The following FRMD5 variants were observed in gnomAD, a reference collection of about 807,000 sequenced individuals.
The protein encoded by FRMD5 is FERM domain containing 5.
FRMD5 carries 20 observed loss-of-function variants against 69.0 expected under a neutral mutation model. The observed-to-expected ratio is 0.29, with a 90% confidence interval of 0.20 to 0.42. The LOEUF is 0.42. FRMD5 is among the 10% of genes least tolerant of loss of function. The pLI is 1.00. For missense variants in FRMD5, 595 were observed against 708.6 expected, an observed-to-expected ratio of 0.84 and a Z score of 1.82; for synonymous variants, 271 against 260.1, an observed-to-expected ratio of 1.04 and a Z score of -0.40.
chr15:44,058,802 G>A (rs111787396), intron 1 of FRMD5, among the ~76,000 whole-genome samples: 1,015 of 81,486 alleles, frequency 0.012, 19 homozygotes, highest in African/African-American at 0.033. Context: ...AAAAAAAAAA[G>A]AAGAAGAAGA....
intron 1 of FRMD5, among the ~76,000 whole-genome samples, chr15:44,018,979 C>T (rs1271825175): frequency 3.9e-5 from 6 of 152,078 alleles, no homozygotes; most frequent in Admixed American, 3.9e-4. Flanking sequence ...ACTGAAACCT[C>T]TGCCTCCTGG....
At chr15:44,047,927 A>G (rs1892498325) in intron 1 of FRMD5, among the ~76,000 whole-genome samples, 1 of 152,226 alleles carries the variant, frequency 6.6e-6, no homozygotes, top group African/African-American at 2.4e-5. Flanking sequence ...TTACATGGAT[A>G]TACCACATTT....
At chr15:44,195,653 C>A (rs999839637), upstream of FRMD5, among the ~76,000 whole-genome samples, 2 of 151,842 alleles carry the variant, frequency 1.3e-5, no homozygotes, top group Non-Finnish European at 2.9e-5. Flanking sequence ...GGAGCCGGAG[C>A]GAGGAGGCGG....
At chr15:44,013,264 G>A (rs773090300) in intron 1 of FRMD5, among the ~76,000 whole-genome samples, 19 of 152,106 alleles carry the variant, frequency 1.2e-4, no homozygotes, top group Admixed American at 3.9e-4. Context: ...GTGGTGGCAT[G>A]CCCCCGTCAT....
chr15:43,997,901 T>C (rs1181062440), intron 1 of FRMD5, among the ~76,000 whole-genome samples: 1 of 152,224 alleles, frequency 6.6e-6, no homozygotes, highest in East Asian at 1.9e-4. Flanking sequence ...CATTGAGATC[T>C]CCGGTCTACT....
intron 1 of FRMD5, among the ~76,000 whole-genome samples, chr15:44,127,829 A>G (rs1595496491): frequency 6.6e-6 from 1 of 152,224 alleles, no homozygotes; most frequent in East Asian, 1.9e-4. Context: ...TTGTGATCTC[A>G]CCACCGCACT....
At chr15:43,952,258 C>T (rs533118863) in intron 1 of FRMD5, among the ~76,000 whole-genome samples, 1 of 152,254 alleles carries the variant, frequency 6.6e-6, no homozygotes, top group African/African-American at 2.4e-5. Flanking sequence ...TACATTCTAT[C>T]AGGGAGCTGG....
chr15:43,968,250 C>G (rs2090325350), intron 1 of FRMD5, among the ~76,000 whole-genome samples: 1 of 152,114 alleles, frequency 6.6e-6, no homozygotes, highest in Non-Finnish European at 1.5e-5. Context: ...CACATCATGT[C>G]ATAATCCTTT....
chr15:44,166,054 A>G (rs1252850223), intron 1 of FRMD5, among the ~76,000 whole-genome samples: 2 of 152,202 alleles, frequency 1.3e-5, no homozygotes, highest in Admixed American at 6.5e-5. Context: ...ATCTTTTAAT[A>G]AAGACTGTAC....
At chr15:44,099,954 A>G (rs914648353) in intron 1 of FRMD5, among the ~76,000 whole-genome samples, 3 of 152,020 alleles carry the variant, frequency 2.0e-5, no homozygotes, top group Non-Finnish European at 4.4e-5. Context: ...AGAGCATTTA[A>G]CAAGCACTCT....
At chr15:43,899,780 T>C (rs1050614625) in intron 7 of FRMD5, among the ~76,000 whole-genome samples, 3 of 152,278 alleles carry the variant, frequency 2.0e-5, no homozygotes, top group South Asian at 4.1e-4. Context: ...CTGCGTCCAA[T>C]GATGGACAAA....
At chr15:44,170,175 C>T (rs374815582) in intron 1 of FRMD5, among the ~76,000 whole-genome samples, 1 of 152,090 alleles carries the variant, frequency 6.6e-6, no homozygotes, top group Non-Finnish European at 1.5e-5. Context: ...CTCAGCTTCT[C>T]GAGTGGCTGG....
At chr15:43,991,747 C>T (rs1889688987) in intron 1 of FRMD5, among the ~76,000 whole-genome samples, 1 of 152,202 alleles carries the variant, frequency 6.6e-6, no homozygotes, top group African/African-American at 2.4e-5. Context: ...TATTTTCAAA[C>T]AGGGCACTGA....
At chr15:44,120,533 A>ATGCT (rs1555405910) in intron 1 of FRMD5, among the ~76,000 whole-genome samples, 1 of 137,866 alleles carries the variant, frequency 7.3e-6, no homozygotes. Context: ...GGAAGAGTGG[A>ATGCT]TTTTTTTTTT....
chr15:44,196,752 T>TCTCTC (rs1566999527), upstream of FRMD5, among the ~76,000 whole-genome samples: 16 of 72,004 alleles, frequency 2.2e-4, no homozygotes, highest in South Asian at 1.1e-3. Flanking sequence ...CTCTCTCTCT[T>TCTCTC]TCTCTCTCTC....
At chr15:44,064,642 C>T (rs1207077658) in intron 1 of FRMD5, among the ~76,000 whole-genome samples, 2 of 152,038 alleles carry the variant, frequency 1.3e-5, no homozygotes, top group Admixed American at 1.3e-4. Context: ...TTTAGAGGAG[C>T]TTAGAAAAAA....
chr15:43,928,981 C>T (rs1397057386), intron 1 of FRMD5, among the ~76,000 whole-genome samples: 2 of 152,112 alleles, frequency 1.3e-5, no homozygotes, highest in African/African-American at 2.4e-5. Flanking sequence ...ATTAAGCACT[C>T]GTTTAAAAAA....
intron 1 of FRMD5, among the ~76,000 whole-genome samples, chr15:44,045,227 A>C (rs899879172): frequency 1.3e-5 from 2 of 152,224 alleles, no homozygotes; most frequent in African/African-American, 4.8e-5. Flanking sequence ...ATTTCAGTCT[A>C]TCTTGGATTA....
At chr15:44,055,717 A>G (rs1892844164) in intron 1 of FRMD5, among the ~76,000 whole-genome samples, 1 of 152,198 alleles carries the variant, frequency 6.6e-6, no homozygotes, top group South Asian at 2.1e-4. Flanking sequence ...TGGCACAATC[A>G]TCTGCAATCC....
Sources: allele counts gnomAD v4.1 joint callset (sites outside exome capture counted in the v4.1 genomes callset), GRCh38; gene constraint gnomAD v4.1.1; transcripts MANE v1.5; gene names NCBI Gene and HGNC (gene_info 2026-07-23, HGNC 2026-07-21).